NBPF15: variants seen among roughly 807,000 people sequenced by gnomAD.
The protein encoded by NBPF15 is NBPF member 15.
A neutral mutation model predicts 62.2 loss-of-function variants in NBPF15; 74 were observed. The ratio of observed to expected loss-of-function variants is 1.19; its 90% CI spans 0.99 to 1.44. NBPF15 has a LOEUF of 1.44. NBPF15 is among the 40% of genes most tolerant of loss of function. The pLI, the probability that NBPF15 is intolerant of heterozygous loss-of-function variation, is 0.00. For synonymous variants in NBPF15, 244 were observed against 209.7 expected (o/e 1.16, Z -1.41); for missense variants, 790 against 550.0 (o/e 1.44, Z -4.36).
At position 144,456,665 on chromosome 1, in the gene NBPF15, G is replaced by C; in HGVS notation, c.-560C>G. 1.4e-6 allele frequency: 2 copies of C among 1,459,820 alleles called. No homozygotes were observed. The highest frequency in any genetic ancestry group is 2.9e-5 in the South Asian group (2 of 69,690). The allele number at this position is 1,459,820 out of a possible 1,614,324, so 90.4% of individuals were successfully genotyped here. A position where few individuals can be genotyped will look rare whatever the true frequency, so the allele number is the denominator to read the frequency against. The stretch of plus-strand genomic sequence containing the variant: ...AAGCCCTGGACAGTGGGAGTTGGTG[G>C]CAGCCCCAGCGTGGAGGCCAAGAAC... On this transcript the variant is annotated 5_prime_UTR_variant, in exon 4 of 22. Transcript: ENST00000581897.
At chr1:144,434,897 T>A (rs1677082888) in intron 12 of NBPF15, among the ~76,000 whole-genome samples, 1 of 152,022 alleles carries the variant, frequency 6.6e-6, no homozygotes, top group Non-Finnish European at 1.5e-5. Context: ...ACTATGAGAT[T>A]GTCACACTTG....
chr1:144,427,230 T>G lies in NBPF15; in HGVS notation c.1214-132A>C, dbSNP rs1670389030. On this transcript the variant is annotated intron_variant, in intron 16 of 21. Coordinates refer to ENST00000581897, the MANE Select transcript of NBPF15 (RefSeq NM_001385408.1). ...AATAGGACACTGTGAGAGATATTCT[T>G]CAAGAGGCCTGAAGGCTGATCACCA... 5 of 684,204 alleles carry G rather than the reference T, an allele frequency of 7.3e-6. No homozygotes were observed. The East Asian group carries it at 1.3e-4, about 18-fold the overall frequency. 42.4% of individuals were successfully genotyped at this position (684,204 alleles called of 1,614,324 possible). A position where few individuals can be genotyped will look rare whatever the true frequency, so the allele number is the denominator to read the frequency against.
chr1:144,425,112 A>T (rs1425186079), intron 19 of NBPF15, among the ~76,000 whole-genome samples: 19 of 147,906 alleles, frequency 1.3e-4, no homozygotes, highest in African/African-American at 4.9e-4. Context: ...ACAGACACAC[A>T]CACACAGAGA....
At chr1:144,432,704 G>A (rs1406273675) in intron 13 of NBPF15, among the ~76,000 whole-genome samples, 1 of 151,908 alleles carries the variant, frequency 6.6e-6, no homozygotes, top group East Asian at 1.9e-4. Context: ...GATCAAAAGA[G>A]ACAAAGAAGG....
intron 6 of NBPF15, among the ~76,000 whole-genome samples, chr1:144,442,111 T>C: frequency 1.3e-5 from 1 of 75,626 alleles, no homozygotes; most frequent in Non-Finnish European, 2.4e-5. Context: ...TGTATATATA[T>C]ATATAATATA....
intron 6 of NBPF15, among the ~76,000 whole-genome samples, chr1:144,446,107 C>T (rs1342553938): frequency 4.0e-5 from 6 of 151,448 alleles, no homozygotes; most frequent in African/African-American, 1.5e-4. Flanking sequence ...CCCACCTCGG[C>T]CTCCCAAAGT....
chr1:144,455,924 A>C (rs1647273030), intron 4 of NBPF15, among the ~76,000 whole-genome samples: 1 of 152,068 alleles, frequency 6.6e-6, no homozygotes, highest in African/African-American at 2.4e-5. Context: ...TGGGGAACCA[A>C]GAATTCCACT....
chr1:144,457,314 C>T (rs1222041777), intron 3 of NBPF15, among the ~76,000 whole-genome samples: 1 of 151,768 alleles, frequency 6.6e-6, no homozygotes, highest in Admixed American at 6.6e-5. Flanking sequence ...ATCTCATCTA[C>T]TGGTCTATCT....
rs782231622 is a variant in NBPF15 at position 144,423,061 on chromosome 1, C to G, written c.1965G>C (p.Val655=). 12 of 1,611,476 alleles carry G rather than the reference C, an allele frequency of 7.4e-6. No individual in the cohort carries two copies. The highest frequency in any genetic ancestry group is 6.7e-5 in the Admixed American group (4 of 59,944). The change falls in exon 22 of 22, where the codon GTG becomes GTC. Residue 655 remains valine, a synonymous_variant. Coordinates refer to ENST00000581897, the MANE Select transcript of NBPF15 (RefSeq NM_001385408.1). Reference sequence around the variant, plus strand: ...TCTGGAACACCAGGTGGAGACTTGTCACCGTCAAAGTAAAAAACCTATTGT... The same window carrying G: ...TCTGGAACACCAGGTGGAGACTTGTGACCGTCAAAGTAAAAAACCTATTGT... ...YVDNRFFTLT[V]TSLHLVFQMG... is the part of the protein sequence containing the mutation.
intron 4 of NBPF15, among the ~76,000 whole-genome samples, chr1:144,453,638 C>CAAAAAAAAA (rs200525708): frequency 5.5e-5 from 2 of 36,408 alleles, no homozygotes; most frequent in Non-Finnish European, 1.4e-4. Flanking sequence ...CAACACAAAG[C>CAAAAAAAAA]AAAAAAAAAA....
intron 6 of NBPF15, 178 bp from the exon 7 acceptor site, chr1:144,440,473 G>A (rs1346222566): frequency 2.2e-4 from 108 of 499,356 alleles, no homozygotes; most frequent in Non-Finnish European, 3.5e-4. Context: ...TTGTGACAAT[G>A]CCACAGACCC....
chr1:144,425,599 AT>A, intron 18 of NBPF15, 31 bp from the exon 19 acceptor site: 1 of 540,562 alleles, frequency 1.8e-6, no homozygotes, highest in Non-Finnish European at 3.2e-6. Flanking sequence ...GACAGACAAA[AT>A]AAGCCAATTC....
intron 13 of NBPF15, among the ~76,000 whole-genome samples, chr1:144,432,370 A>G (rs1191118857): frequency 2.0e-5 from 3 of 151,970 alleles, no homozygotes; most frequent in African/African-American, 7.3e-5. Flanking sequence ...AACTGTAAAG[A>G]CCATTGACGC....
chr1:144,423,309 G>A lies in NBPF15; in HGVS notation c.1770-53C>T, dbSNP rs200892672. The A allele has an allele frequency of 4.0e-4, 646 of 1,611,208 alleles. 6 individuals carry two copies. Among genetic ancestry groups the A allele is most frequent in the Non-Finnish European group, 5.0e-4 (594 of 1,179,548 alleles). On this transcript the variant is annotated intron_variant, in intron 21 of 21. Transcript: ENST00000581897. ...CAGCCAGGGAAAATCAGACACCACA[G>A]AGCCCCACTAGATTTCAGAAGTAAT...
chr1:144,452,253 T>C (rs1368271467), intron 4 of NBPF15, among the ~76,000 whole-genome samples: 2 of 152,162 alleles, frequency 1.3e-5, no homozygotes, highest in Admixed American at 6.5e-5. Flanking sequence ...TTAAAAATTC[T>C]TTTTCTTGTG....
At position 144,422,917 on chromosome 1, in the gene NBPF15, C is replaced by T. The variant is rs1666691157; in HGVS notation, c.*96G>A. 6.2e-7 allele frequency: 1 copy of T among 1,610,674 alleles called. No individual in the cohort carries two copies. On this transcript the variant is annotated 3_prime_UTR_variant, in exon 22 of 22. Transcript: ENST00000581897. The stretch of plus-strand genomic sequence containing the variant: ...CCATGCTCACTGACCCATCCTATGT[C>T]TGGGCTTCCAAATGGAACTGTACTT...
At chr1:144,446,468 G>C (rs1294645022) in intron 6 of NBPF15, among the ~76,000 whole-genome samples, 2 of 152,308 alleles carry the variant, frequency 1.3e-5, no homozygotes, top group African/African-American at 2.4e-5. Flanking sequence ...TGAATTAAAA[G>C]AGTAACAACA....
chr1:144,430,863 G>T (rs1673659127), intron 13 of NBPF15, among the ~76,000 whole-genome samples: 1 of 151,996 alleles, frequency 6.6e-6, no homozygotes, highest in African/African-American at 2.4e-5. Flanking sequence ...AGAATGAACA[G>T]TGTAGAGAAG....
At chr1:144,445,930 C>T (rs1195651925) in intron 6 of NBPF15, among the ~76,000 whole-genome samples, 1 of 144,006 alleles carries the variant, frequency 6.9e-6, no homozygotes, top group Non-Finnish European at 1.5e-5. Flanking sequence ...GATCTCGGCT[C>T]ACTGCAACCT....
Sources: allele counts gnomAD v4.1 joint callset (sites outside exome capture counted in the v4.1 genomes callset), GRCh38; gene constraint gnomAD v4.1.1; transcripts MANE v1.5; gene names NCBI Gene and HGNC (gene_info 2026-07-23, HGNC 2026-07-21).